The following DDX10 variants were observed in gnomAD, a reference collection of about 807,000 sequenced individuals.
The protein encoded by DDX10 is DEAD-box helicase 10.
A neutral mutation model predicts 104.3 loss-of-function variants in DDX10; 74 were observed. The observed-to-expected ratio is 0.71, with a 90% CI of 0.59 to 0.86. The LOEUF is 0.86. Among genes scored for constraint, DDX10 ranks in the 40% least tolerant of loss-of-function variants. The probability of loss-of-function intolerance (pLI) is 0.00; values close to 1 mark genes in which losing one functional copy is unlikely to be tolerated. For missense variants in DDX10, 952 were observed against 1,040.0 expected (o/e 0.92, Z 1.16); for synonymous variants, 351 against 353.4 (o/e 0.99, Z 0.08).
chr11:108,727,546 C>T (rs989079400), intron 13 of DDX10, among the ~76,000 whole-genome samples: 1 of 152,098 alleles, frequency 6.6e-6, no homozygotes, highest in African/African-American at 2.4e-5. Context: ...TAAAAATACT[C>T]AGAATTTTAT....
At chr11:108,815,799 A>G (rs1862247370) in intron 13 of DDX10, among the ~76,000 whole-genome samples, 1 of 152,214 alleles carries the variant, frequency 6.6e-6, no homozygotes, top group African/African-American at 2.4e-5. Flanking sequence ...CCCATTATAT[A>G]GCTAAATTTT....
chr11:108,917,763 C>A, intron 16 of DDX10, 110 bp from the exon 17 acceptor site: 1 of 1,080,076 alleles, frequency 9.3e-7, no homozygotes, highest in Non-Finnish European at 1.3e-6. Flanking sequence ...GAAGAGAAAG[C>A]TAATCTGTGG....
intron 13 of DDX10, among the ~76,000 whole-genome samples, chr11:108,766,989 T>C (rs1287230387): frequency 6.6e-6 from 1 of 152,182 alleles, no homozygotes; most frequent in Non-Finnish European, 1.5e-5. Context: ...TGCTAATTGA[T>C]GTCTTTTAAG....
intron 17 of DDX10, among the ~76,000 whole-genome samples, chr11:108,929,886 C>T (rs1460374531): frequency 6.6e-6 from 1 of 152,168 alleles, no homozygotes; most frequent in African/African-American, 2.4e-5. Flanking sequence ...TTACAGTAAA[C>T]ATGGAGTGAA....
intron 13 of DDX10, among the ~76,000 whole-genome samples, chr11:108,796,055 A>G (rs149642112): frequency 1.4e-4 from 21 of 152,282 alleles, no homozygotes; most frequent in Non-Finnish European, 2.6e-4. Context: ...CTTTCAATAA[A>G]TTTGTTCATT....
intron 13 of DDX10, among the ~76,000 whole-genome samples, chr11:108,818,658 A>C (rs1423705412): frequency 6.6e-6 from 1 of 152,226 alleles, no homozygotes; most frequent in Non-Finnish European, 1.5e-5. Context: ...GAATCTTTTA[A>C]ATTATTGTAC....
At chr11:108,719,390 G>A (rs2094295540) in intron 11 of DDX10, among the ~76,000 whole-genome samples, 1 of 152,102 alleles carries the variant, frequency 6.6e-6, no homozygotes, top group Non-Finnish European at 1.5e-5. Flanking sequence ...AGAAGGTAAT[G>A]TATCCCTTTT....
intron 16 of DDX10, among the ~76,000 whole-genome samples, chr11:108,879,310 A>G (rs951897868): frequency 6.6e-6 from 1 of 152,104 alleles, no homozygotes; most frequent in African/African-American, 2.4e-5. Flanking sequence ...GAAATTTTCT[A>G]AGTCTTCTAA....
chr11:108,805,825 T>C (rs1862090344), intron 13 of DDX10, among the ~76,000 whole-genome samples: 1 of 152,202 alleles, frequency 6.6e-6, no homozygotes, highest in Admixed American at 6.5e-5. Flanking sequence ...CTTATATTCT[T>C]GAAATAAATG....
At chr11:108,666,032 T>C (rs1222698183) in intron 1 of DDX10, among the ~76,000 whole-genome samples, 1 of 152,194 alleles carries the variant, frequency 6.6e-6, no homozygotes. Context: ...TAATGATCAC[T>C]TTGACCTCCT....
chr11:108,905,312 A>AGC (rs1555039524), intron 16 of DDX10, among the ~76,000 whole-genome samples: 2 of 106,692 alleles, frequency 1.9e-5, no homozygotes, highest in African/African-American at 8.4e-5. Flanking sequence ...AGATTGTTTA[A>AGC]GGGGGGGGGG....
intron 16 of DDX10, among the ~76,000 whole-genome samples, chr11:108,869,424 A>C (rs1004423319): frequency 6.6e-6 from 1 of 152,166 alleles, no homozygotes; most frequent in Non-Finnish European, 1.5e-5. Flanking sequence ...ATTTGAAATA[A>C]GACATGTCAG....
At chr11:108,814,143 A>G (rs978481493) in intron 13 of DDX10, among the ~76,000 whole-genome samples, 3 of 152,164 alleles carry the variant, frequency 2.0e-5, no homozygotes, top group African/African-American at 7.2e-5. Flanking sequence ...AGTATAGGGT[A>G]ATATGTATTC....
rs1049433893 is a variant in DDX10 at position 108,896,137 on chromosome 11, C to T, written c.2305-21736C>T. ...TGTATTATCCATCTTAGATCATAGGCGTAAGAATTGTTACTTACATACATC... is the reference window on the plus strand; with the variant it reads ...TGTATTATCCATCTTAGATCATAGGTGTAAGAATTGTTACTTACATACATC... On this transcript the variant is annotated intron_variant, in intron 16 of 17. Transcript: ENST00000322536. Among the ~76,000 whole-genome samples the T allele has an allele frequency of 5.3e-5, 8 of 152,044 alleles. No homozygotes were observed. The East Asian group carries it at 5.8e-4, about 11-fold the overall frequency.
At chr11:108,754,653 G>A (rs2094342422) in intron 13 of DDX10, among the ~76,000 whole-genome samples, 2 of 151,930 alleles carry the variant, frequency 1.3e-5, no homozygotes, top group South Asian at 4.1e-4. Flanking sequence ...ATAGCCTTAG[G>A]TATATGAGAG....
chr11:108,917,957 G>A lies in DDX10; in HGVS notation c.2389G>A (p.Asp797Asn). ...TGGATTTGATCCAAGCACACTCCCA[G>A]ATCCAGATAAATACAGAAGCTCTGA... ...DDGFDPSTLP[D>N]PDKYRSSEDS... The change falls in exon 17 of 18, where the codon GAT (aspartate) becomes AAT (asparagine). Residue 797 changes from aspartate (D) to asparagine (N), a missense_variant. By Grantham distance (23) the Asp-to-Asn change is conservative. Coordinates refer to ENST00000322536, the MANE Select transcript of DDX10 (RefSeq NM_004398.4). The A allele has an allele frequency of 6.2e-7, 1 of 1,613,466 alleles. No homozygotes were observed.
At chr11:108,841,277 C>G in intron 14 of DDX10, 38 bp from the exon 15 acceptor site, 1 of 1,587,422 alleles carries the variant, frequency 6.3e-7, no homozygotes, top group Non-Finnish European at 8.6e-7. Context: ...GGGGTATTCC[C>G]TACTTCCTGT....
At chr11:108,852,293 CT>C in intron 16 of DDX10, 84 bp downstream of exon 16, 1 of 932,658 alleles carries the variant, frequency 1.1e-6, no homozygotes, top group Non-Finnish European at 1.6e-6. Flanking sequence ...AAGAACAATG[CT>C]TATAATGTTA....
At chr11:108,741,064 C>T (rs2094324595) in intron 13 of DDX10, among the ~76,000 whole-genome samples, 3 of 152,128 alleles carry the variant, frequency 2.0e-5, no homozygotes, top group African/African-American at 4.8e-5. Flanking sequence ...ATAGAGAATC[C>T]TTCCCCCATT....
Sources: allele counts gnomAD v4.1 joint callset (sites outside exome capture counted in the v4.1 genomes callset), GRCh38; gene constraint gnomAD v4.1.1; transcripts MANE v1.5; gene names NCBI Gene and HGNC (gene_info 2026-07-23, HGNC 2026-07-21).